PHF2: variants seen among roughly 807,000 people sequenced by gnomAD.
PHF2 encodes PHD finger protein 2.
In PHF2, 27 loss-of-function variants were observed where a neutral mutation model predicts 120.5. The observed-to-expected ratio is 0.22, with a 90% confidence interval of 0.17 to 0.31. The LOEUF (loss-of-function observed/expected upper bound fraction) is 0.31. PHF2 is among the 10% of genes least tolerant of loss of function. The pLI, the probability that PHF2 is intolerant of heterozygous loss-of-function variation, is 1.00. For synonymous variants in PHF2, 568 were observed against 592.5 expected (o/e 0.96, Z 0.60); for missense variants, 1,024 against 1,434.8 (o/e 0.71, Z 4.63).
chr9:93,640,796 T>C (rs985484802), intron 3 of PHF2, among the ~76,000 whole-genome samples: 7 of 152,324 alleles, frequency 4.6e-5, no homozygotes, highest in African/African-American at 1.4e-4. Flanking sequence ...ACACGATGTA[T>C]TGTGTAATAG....
intron 19 of PHF2, among the ~76,000 whole-genome samples, chr9:93,675,455 G>A (rs1384621947): frequency 6.6e-6 from 1 of 152,238 alleles, no homozygotes; most frequent in Non-Finnish European, 1.5e-5. Flanking sequence ...ATGTTGCTGG[G>A]CCTCCTGGGC....
chr9:93,597,510 C>T (rs1215989354), intron 1 of PHF2, among the ~76,000 whole-genome samples: 1 of 151,700 alleles, frequency 6.6e-6, no homozygotes, highest in Non-Finnish European at 1.5e-5. Context: ...GCCCTGGAAT[C>T]AGTCAGGCTG....
Position 93,677,762 on chromosome 9 carries a change from G to T in PHF2, c.*86G>T, listed in dbSNP as rs957018188. 4.1e-6 allele frequency: 4 copies of T among 978,736 alleles called. No homozygotes were observed. The highest frequency in any genetic ancestry group is 3.2e-5 in the African/African-American group (2 of 61,576). 60.6% of individuals were successfully genotyped at this position (978,736 alleles called of 1,614,324 possible). ...CTGCCTCCCAGGAGGGTGCCGAGCT[G>T]CCTCACCAGGGAGGGCCTTGCCTCT... is the stretch of plus-strand genomic sequence containing the variant. On this transcript the variant is annotated 3_prime_UTR_variant, in exon 22 of 22. Transcript: ENST00000359246. The surrounding 1 kb of genome is among the most constrained non-coding windows in gnomAD (Gnocchi z 4.4).
At chr9:93,674,823 G>C in intron 18 of PHF2, 104 bp from the exon 19 acceptor site, 1 of 757,030 alleles carries the variant, frequency 1.3e-6, no homozygotes, top group Non-Finnish European at 2.3e-6. Context: ...GTAGGCCCTG[G>C]GGTTGCTGGC....
chr9:93,636,113 A>G (rs1160623652), intron 2 of PHF2, among the ~76,000 whole-genome samples: 1 of 152,084 alleles, frequency 6.6e-6, no homozygotes, highest in Non-Finnish European at 1.5e-5. Flanking sequence ...CTGCAGACTC[A>G]GGGCCTGAAT....
At chr9:93,665,625 C>G (rs575476361) in intron 14 of PHF2, 61 bp from the exon 15 acceptor site, 3 of 1,577,892 alleles carry the variant, frequency 1.9e-6, no homozygotes, top group Non-Finnish European at 2.6e-6. Context: ...TCGGGAGGTC[C>G]TACCTGTCCG....
chr9:93,627,508 T>TTTTTTTTTTG (rs1825933862), intron 1 of PHF2, among the ~76,000 whole-genome samples: 1 of 136,144 alleles, frequency 7.3e-6, no homozygotes, highest in African/African-American at 2.6e-5. Context: ...TTTTTTTTTT[T>TTTTTTTTTTG]GTCTAATTGC....
intron 1 of PHF2, among the ~76,000 whole-genome samples, chr9:93,614,020 G>A (rs757970195): frequency 2.0e-5 from 3 of 152,180 alleles, no homozygotes; most frequent in Non-Finnish European, 4.4e-5. Context: ...AGTAGGTGGT[G>A]CATTGTCCCC....
At chr9:93,620,044 CT>C (rs1485913804) in intron 1 of PHF2, among the ~76,000 whole-genome samples, 3 of 152,348 alleles carry the variant, frequency 2.0e-5, no homozygotes, top group Non-Finnish European at 1.5e-5. Context: ...ATGCCCTGCT[CT>C]CCCTCGGACT....
chr9:93,621,137 G>A (rs1389793228), intron 1 of PHF2, among the ~76,000 whole-genome samples: 2 of 152,338 alleles, frequency 1.3e-5, no homozygotes, highest in African/African-American at 4.8e-5. Flanking sequence ...GTGCTAGCAG[G>A]GGATCTGGCC....
intron 3 of PHF2, 37 bp downstream of exon 3, chr9:93,636,562 C>A (rs1409149785): frequency 2.8e-5 from 38 of 1,352,778 alleles, no homozygotes; most frequent in Non-Finnish European, 3.9e-5. Context: ...CCACCTGCAG[C>A]CAGGGGATGC....
chr9:93,594,687 C>T (rs1564374534), intron 1 of PHF2, among the ~76,000 whole-genome samples: 1 of 152,212 alleles, frequency 6.6e-6, no homozygotes, highest in East Asian at 1.9e-4. Context: ...ACATTGGGAC[C>T]TTGTGCCTAA....
intron 1 of PHF2, among the ~76,000 whole-genome samples, chr9:93,577,199 T>C (rs1862839368): frequency 6.7e-6 from 1 of 150,252 alleles, no homozygotes; most frequent in Non-Finnish European, 1.5e-5. Flanking sequence ...GCCTGTCAGC[T>C]GGGTCGCGGC....
intron 4 of PHF2, 114 bp downstream of exon 4, chr9:93,645,903 A>G (rs1313997060): frequency 1.2e-5 from 15 of 1,212,786 alleles, no homozygotes; most frequent in African/African-American, 1.1e-4. Context: ...TGCCGTGAGC[A>G]GTGGAGCCTC....
At chr9:93,638,615 A>C (rs570350640) in intron 3 of PHF2, among the ~76,000 whole-genome samples, 7 of 152,234 alleles carry the variant, frequency 4.6e-5, no homozygotes, top group Non-Finnish European at 8.8e-5. Flanking sequence ...ATTCAATTCT[A>C]TTCCACTAAT....
Position 93,656,117 on chromosome 9 carries a change from C to A in PHF2, c.1040+96C>A. On this transcript the variant is annotated intron_variant, in intron 8 of 21. Transcript: ENST00000359246. This position sits in a 1 kb window ranked among gnomAD's most constrained non-coding sequence, Gnocchi z 4.1. ...AGATGCCTTGGGCTGAGTCCTGGCA[C>A]AGCCCGCCTGTGGGTGGCCTGGACA... 2.0e-6 allele frequency: 2 copies of A among 979,152 alleles called. No individual in the cohort carries two copies. The highest frequency in any genetic ancestry group is 3.1e-6 in the Non-Finnish European group (2 of 643,208). 60.7% of individuals were successfully genotyped at this position (979,152 alleles called of 1,614,324 possible). A position where few individuals can be genotyped will look rare whatever the true frequency, so the allele number is the denominator to read the frequency against.
At chr9:93,649,517 C>A (rs1826324571) in intron 5 of PHF2, among the ~76,000 whole-genome samples, 1 of 151,962 alleles carries the variant, frequency 6.6e-6, no homozygotes, top group African/African-American at 2.4e-5. Flanking sequence ...TGGCCCTGCC[C>A]ATCCCACTCC....
intron 3 of PHF2, among the ~76,000 whole-genome samples, chr9:93,641,668 G>C (rs987167175): frequency 6.6e-6 from 1 of 152,160 alleles, no homozygotes; most frequent in Non-Finnish European, 1.5e-5. Flanking sequence ...TTTTTGAGTT[G>C]TAAGAATTCT....
intron 1 of PHF2, among the ~76,000 whole-genome samples, chr9:93,589,352 C>T (rs10821165): frequency 0.39 from 58,590 of 151,934 alleles, 12,385 homozygotes; most frequent in Non-Finnish European, 0.48. Flanking sequence ...GCACGGCTGA[C>T]GTCTGGGCTG....
Sources: gnomAD v4.1 joint callset for allele counts (sites outside exome capture counted in the v4.1 genomes callset) on GRCh38, gnomAD v4.1.1 for gene constraint, Gnocchi (gnomAD v3.1) non-coding constraint, MANE v1.5 for transcripts, NCBI Gene and HGNC (gene_info 2026-07-23, HGNC 2026-07-21) for gene names.